CRIM1: variants seen among roughly 807,000 people sequenced by gnomAD.
The protein encoded by CRIM1 is cysteine-rich motor neuron 1 protein.
Under a neutral mutation model 116.4 loss-of-function variants are expected in CRIM1, and 32 were observed. The ratio of observed to expected loss-of-function variants is 0.27; its 90% CI spans 0.21 to 0.37. The LOEUF is 0.37. Among genes scored for constraint, CRIM1 ranks in the 10% least tolerant of loss-of-function variants. The pLI, the probability that CRIM1 is intolerant of heterozygous loss-of-function variation, is 1.00. For missense variants in CRIM1, 1,331 were observed against 1,354.8 expected, an observed-to-expected ratio of 0.98 and a Z score of 0.28; for synonymous variants, 590 against 509.2, an observed-to-expected ratio of 1.16 and a Z score of -2.13.
intron 1 of CRIM1, among the ~76,000 whole-genome samples, chr2:36,390,639 A>C (rs1218227634): frequency 6.6e-6 from 1 of 151,772 alleles, no homozygotes; most frequent in African/African-American, 2.4e-5. Context: ...CAGCCTTCTC[A>C]TTTCTGCTTG....
chr2:36,418,083 T>C (rs548240049), intron 2 of CRIM1, among the ~76,000 whole-genome samples: 1 of 152,188 alleles, frequency 6.6e-6, no homozygotes, highest in African/African-American at 2.4e-5. Flanking sequence ...TTTCAAGAAG[T>C]TGGGACTAAG....
chr2:36,475,889 TG>T (rs1678938589), intron 5 of CRIM1, among the ~76,000 whole-genome samples: 1 of 152,240 alleles, frequency 6.6e-6, no homozygotes, highest in Non-Finnish European at 1.5e-5. Flanking sequence ...ATTAATATTT[TG>T]GATGTTAAAC....
At chr2:36,363,307 A>G (rs534995177) in intron 1 of CRIM1, among the ~76,000 whole-genome samples, 31 of 152,086 alleles carry the variant, frequency 2.0e-4, no homozygotes, top group African/African-American at 7.2e-4. Context: ...TAGGGTTGCT[A>G]TAAGGACTCA....
At chr2:36,393,325 C>T (rs976209410) in intron 1 of CRIM1, among the ~76,000 whole-genome samples, 3 of 152,022 alleles carry the variant, frequency 2.0e-5, no homozygotes, top group Admixed American at 2.0e-4. Flanking sequence ...ATTGTTTAAA[C>T]ATGTTCTTTA....
intron 5 of CRIM1, among the ~76,000 whole-genome samples, chr2:36,466,873 T>C (rs1321627080): frequency 6.6e-6 from 1 of 152,224 alleles, no homozygotes; most frequent in African/African-American, 2.4e-5. Context: ...AGTAGAAAGA[T>C]TTGCTGGTGT....
chr2:36,394,911 A>G (rs1671897545), intron 1 of CRIM1, among the ~76,000 whole-genome samples: 1 of 152,032 alleles, frequency 6.6e-6, no homozygotes, highest in Non-Finnish European at 1.5e-5. Flanking sequence ...TATTTATTTC[A>G]GTCAGGAAGA....
At chr2:36,484,492 A>G (rs1453635443) in intron 7 of CRIM1, among the ~76,000 whole-genome samples, 1 of 152,200 alleles carries the variant, frequency 6.6e-6, no homozygotes, top group Non-Finnish European at 1.5e-5. Context: ...CATGACATCT[A>G]TAACATCCCC....
At chr2:36,437,845 GA>G (rs1675438924) in intron 2 of CRIM1, among the ~76,000 whole-genome samples, 1 of 151,918 alleles carries the variant, frequency 6.6e-6, no homozygotes, top group African/African-American at 2.4e-5. Flanking sequence ...TAAAGAGTGG[GA>G]TAACCAGCCG....
chr2:36,359,259 T>A (rs1669062147), intron 1 of CRIM1, among the ~76,000 whole-genome samples: 1 of 152,218 alleles, frequency 6.6e-6, no homozygotes, highest in Non-Finnish European at 1.5e-5. Context: ...GAAAACTTAT[T>A]TAATTGGCTA....
chr2:36,546,943 C>A, intron 15 of CRIM1, 41 bp from the exon 16 acceptor site: 2 of 1,143,544 alleles, frequency 1.7e-6, no homozygotes, highest in Non-Finnish European at 2.6e-6. Flanking sequence ...CTTAACAATT[C>A]TGGTTTAGGT....
At chr2:36,384,986 T>A (rs1671068323) in intron 1 of CRIM1, among the ~76,000 whole-genome samples, 1 of 152,182 alleles carries the variant, frequency 6.6e-6, no homozygotes, top group Admixed American at 6.5e-5. Context: ...GAAGCACTGT[T>A]TATTGAATAT....
At chr2:36,373,823 G>GT (rs1270510429) in intron 1 of CRIM1, among the ~76,000 whole-genome samples, 2 of 152,146 alleles carry the variant, frequency 1.3e-5, no homozygotes, top group African/African-American at 2.4e-5. Context: ...TGCTCACAGG[G>GT]TCATGTGCGT....
intron 2 of CRIM1, among the ~76,000 whole-genome samples, chr2:36,430,205 C>T (rs777479128): frequency 6.6e-6 from 1 of 152,144 alleles, no homozygotes. Flanking sequence ...ACTTTTTCCA[C>T]CTACCTCTGC....
intron 4 of CRIM1, among the ~76,000 whole-genome samples, chr2:36,446,568 TG>T (rs1462471346): frequency 2.0e-5 from 3 of 152,226 alleles, no homozygotes; most frequent in African/African-American, 7.2e-5. Flanking sequence ...TCTTTTCTCT[TG>T]AACTTCATCC....
chr2:36,512,227 G>C (rs1170947032), intron 9 of CRIM1, 46 bp from the exon 10 acceptor site: 2 of 1,600,052 alleles, frequency 1.2e-6, no homozygotes, highest in Admixed American at 1.7e-5. Context: ...GGCATCATTT[G>C]AGACTTTGTG....
At chr2:36,529,361 A>G (rs1329810810) in intron 13 of CRIM1, 2 of 252,446 alleles carry the variant, frequency 7.9e-6, no homozygotes, top group Admixed American at 8.5e-5. Flanking sequence ...AGGTTTTCTT[A>G]ACAAGATGGT....
At chr2:36,378,806 GTTTTTTTT>G (rs35770990) in intron 1 of CRIM1, 1 of 118,922 alleles carries the variant, frequency 8.4e-6, no homozygotes, top group African/African-American at 3.4e-5. Context: ...GTTGTTTTCG[GTTTTTTTT>G]TTTTTTTTTT....
In CRIM1 at chr2:36,476,956, C is replaced by T; in HGVS notation, c.1059C>T (p.Asn353=). 6.2e-7 allele frequency: 1 copy of T among 1,614,036 alleles called. No individual in the cohort carries two copies. Among genetic ancestry groups the T allele is most frequent in the Non-Finnish European group, 8.5e-7 (1 of 1,179,872 alleles). Residue 353 remains asparagine, a synonymous_variant, in exon 6 of 17, where the codon AAC becomes AAT. Transcript: ENST00000280527. ...ATGGAGACATGTTTCGAATGGACAA[C>T]TGTCGGTTCTGTCGATGCCAAGGGG... ...YYDGDMFRMD[N]CRFCRCQGGV...
intron 13 of CRIM1, among the ~76,000 whole-genome samples, chr2:36,533,425 C>CAAA (rs35978594): frequency 0.01 from 1,026 of 99,360 alleles, 12 homozygotes; most frequent in African/African-American, 0.036. Flanking sequence ...CCCATCTCCA[C>CAAA]AAAAAAAAAA....
Sources: gnomAD v4.1 joint callset for allele counts (sites outside exome capture counted in the v4.1 genomes callset) on GRCh38, gnomAD v4.1.1 for gene constraint, MANE v1.5 for transcripts, NCBI Gene and HGNC (gene_info 2026-07-23, HGNC 2026-07-21) for gene names.